Variants in CUL4B observed in about 807,000 individuals in gnomAD.
CUL4B encodes cullin 4B.
In CUL4B, 1 loss-of-function variant was observed where a neutral mutation model predicts 69.2. That is an observed-to-expected ratio of 0.01 (90% CI 0.01 to 0.07). The LOEUF is 0.07. CUL4B is among the 10% of genes least tolerant of loss of function. CUL4B has a pLI of 1.00. For missense variants in CUL4B, 328 were observed against 638.8 expected, an observed-to-expected ratio of 0.51 and a Z score of 5.24; for synonymous variants, 237 against 223.2, an observed-to-expected ratio of 1.06 and a Z score of -0.55.
intron 16 of CUL4B, among the ~76,000 whole-genome samples, chrX:120,535,533 T>C (rs984627592): frequency 6.5e-5 from 7 of 107,851 alleles, no homozygotes; most frequent in African/African-American, 2.4e-4. Flanking sequence ...TGAAACCCCG[T>C]CTCCACTAAA....
intron 2 of CUL4B, among the ~76,000 whole-genome samples, chrX:120,550,810 T>C (rs1924643212): frequency 8.9e-6 from 1 of 111,882 alleles, no homozygotes; most frequent in South Asian, 3.7e-4. Context: ...TCCTGTACTG[T>C]GATGGAGCAA....
chrX:120,525,299 C>T lies in CUL4B; in HGVS notation c.*1462G>A, dbSNP rs955822321. The T allele has an allele frequency of 1.3e-4, 14 of 111,503 alleles. No homozygotes were observed. Among genetic ancestry groups the T allele is most frequent in the South Asian group, 3.7e-4 (1 of 2,677 alleles). 9.2% of individuals were successfully genotyped at this position (111,503 alleles called of 1,213,427 possible). A position where few individuals can be genotyped will look rare whatever the true frequency, so the allele number is the denominator to read the frequency against. ...ATTAGGACATAGGTAATCTTCCTAA[C>T]GGCTCCAACAGGCAAGGAAATATGC... On this transcript the variant is annotated 3_prime_UTR_variant, in exon 20 of 20. Coordinates refer to ENST00000371322, the MANE Select transcript of CUL4B (RefSeq NM_001079872.2).
downstream of CUL4B, among the ~76,000 whole-genome samples, chrX:120,566,525 G>C (rs1418530338): frequency 2.9e-5 from 3 of 105,203 alleles, no homozygotes; most frequent in East Asian, 9.3e-4. Flanking sequence ...AGCCTCCCAA[G>C]TAGCTGGGAT....
chrX:120,526,879 A>C, intron 19 of CUL4B, 23 bp from the exon 20 acceptor site: 1 of 1,002,454 alleles, frequency 1.0e-6, no homozygotes, highest in Non-Finnish European at 1.4e-6. Context: ...GCAAATTTTC[A>C]ATGTAAAGTT....
At chrX:120,567,118 ATTTTT>A (rs72483160), downstream of CUL4B, among the ~76,000 whole-genome samples, 2 of 55,288 alleles carry the variant, frequency 3.6e-5, no homozygotes, top group Non-Finnish European at 3.2e-5. Flanking sequence ...GCCAATTTAG[ATTTTT>A]TTTTTTTTTT....
At chrX:120,546,775 GA>G (rs1161600824) in intron 3 of CUL4B, among the ~76,000 whole-genome samples, 159 bp from the exon 4 acceptor site, 45 of 104,672 alleles carry the variant, frequency 4.3e-4, no homozygotes, top group Admixed American at 2.1e-3. Context: ...ATTTGTAAAA[GA>G]AAAAAAAAAC....
chrX:120,562,555 T>C (rs755955291), upstream of CUL4B, among the ~76,000 whole-genome samples: 13 of 111,635 alleles, frequency 1.2e-4, no homozygotes, highest in Non-Finnish European at 2.4e-4. Flanking sequence ...TAATATGACA[T>C]ATATACAAAG....
At chrX:120,547,045 G>A (rs1297827254) in intron 3 of CUL4B, 91 bp downstream of exon 3, 2 of 580,485 alleles carry the variant, frequency 3.4e-6, no homozygotes, top group African/African-American at 4.5e-5. Flanking sequence ...ACAAAATACA[G>A]GCATTCTACT....
rs56016419 is a variant in CUL4B, at chrX:120,534,350, G to A, written c.2266+131C>T. ...AGCCTGGGTGACAGAGTGAGACCCTGTCTCATTAAAAAAAAAGAAAAAAAA... is the reference window on the plus strand; with the variant it reads ...AGCCTGGGTGACAGAGTGAGACCCTATCTCATTAAAAAAAAAGAAAAAAAA... On this transcript the variant is annotated intron_variant, in intron 17 of 19. Coordinates refer to ENST00000371322, the MANE Select transcript of CUL4B (RefSeq NM_001079872.2). 7.3e-3 allele frequency: 3,783 copies of A among 519,733 alleles called. 16 individuals carry two copies. The highest frequency in any genetic ancestry group is 1.0e-2 in the Middle Eastern group (30 of 3,012). 42.8% of individuals were successfully genotyped at this position (519,733 alleles called of 1,213,427 possible).
chrX:120,544,697 A>T, intron 5 of CUL4B, 54 bp from the exon 6 acceptor site: 1 of 1,052,472 alleles, frequency 9.5e-7, no homozygotes, highest in Non-Finnish European at 1.3e-6. Context: ...ACTTCTGAAG[A>T]GGTTTGCTTA....
At chrX:120,565,029 CAG>C (rs771658007), upstream of CUL4B, among the ~76,000 whole-genome samples, 1 of 112,464 alleles carries the variant, frequency 8.9e-6, no homozygotes, top group African/African-American at 3.2e-5. Context: ...CAAACAAAGA[CAG>C]GGAGCTAGCT....
chrX:120,537,323 T>C (rs144359681), intron 14 of CUL4B, among the ~76,000 whole-genome samples: 54 of 111,264 alleles, frequency 4.9e-4, no homozygotes, highest in Non-Finnish European at 3.6e-4. Flanking sequence ...TAGGATCTCT[T>C]CTCCATTCTT....
At chrX:120,559,185 C>A (rs1207041109) in intron 1 of CUL4B, among the ~76,000 whole-genome samples, 2 of 111,834 alleles carry the variant, frequency 1.8e-5, no homozygotes, top group Non-Finnish European at 3.8e-5. Flanking sequence ...TAAGTTCATT[C>A]ATTTACTTCT....
At position 120,524,402 on chromosome X, in the gene CUL4B, G is replaced by A. The variant is rs1316174050; in HGVS notation, c.*2359C>T. Among the ~76,000 whole-genome samples the A allele has an allele frequency of 2.7e-5, 3 of 111,341 alleles. No individual in the cohort carries two copies. The highest frequency in any genetic ancestry group is 9.8e-5 in the African/African-American group (3 of 30,704). ...GTTTAAGAATAATTATCCACCTTGA[G>A]GATTCCTGGGAATTTTCCTCACCCT... On this transcript the variant is annotated 3_prime_UTR_variant, in exon 20 of 20. Coordinates refer to ENST00000371322, the MANE Select transcript of CUL4B (RefSeq NM_001079872.2).
chrX:120,527,648 T>A (rs764531724), intron 19 of CUL4B, among the ~76,000 whole-genome samples: 1 of 111,703 alleles, frequency 9.0e-6, no homozygotes, highest in South Asian at 3.8e-4. Context: ...CTATGTTTCA[T>A]ACATACCTTA....
In CUL4B at chrX:120,544,331, G is replaced by A. The variant is rs1002054054; in HGVS notation, c.1084-128C>T. ...CAAGCTAGGATCCTTTTGTAGTTGA[G>A]AAGCATGATGATTGGGTTTTTATGC... On this transcript the variant is annotated intron_variant, in intron 6 of 19. Coordinates refer to ENST00000371322, the MANE Select transcript of CUL4B (RefSeq NM_001079872.2). The A allele has an allele frequency of 3.8e-6, 3 of 799,460 alleles. No homozygotes were observed. In the African/African-American group the frequency reaches 6.2e-5, roughly 16 times the overall value. 65.9% of individuals were successfully genotyped at this position (799,460 alleles called of 1,213,427 possible).
chrX:120,562,799 G>A (rs367822733), upstream of CUL4B, among the ~76,000 whole-genome samples: 33 of 111,760 alleles, frequency 3.0e-4, no homozygotes, highest in African/African-American at 9.4e-4. Context: ...ATGTCTGGCT[G>A]GGAGTAAGGA....
chrX:120,559,905 C>T, intron 1 of CUL4B, 178 bp downstream of exon 1: 1 of 1,137,185 alleles, frequency 8.8e-7, no homozygotes, highest in Non-Finnish European at 1.2e-6. Flanking sequence ...GCACAAGGAT[C>T]CTAACCACCC....
chrX:120,560,553 C>G lies in CUL4B; in HGVS notation c.86G>C (p.Ser29Thr), dbSNP rs758781480. The G allele has an allele frequency of 4.4e-5, 53 of 1,206,457 alleles. No individual in the cohort carries two copies. Among genetic ancestry groups the G allele is most frequent in the Non-Finnish European group, 5.1e-5 (46 of 893,765 alleles). Residue 29 changes from serine to threonine, a missense_variant, in exon 1 of 20, where the codon AGC (serine) becomes ACC (threonine). By Grantham distance (58) the Ser-to-Thr change is moderately conservative. Transcript: ENST00000371322. ...CTTGGCAGAGGTGGGCGGAGTGGTG[C>G]TGGTATTACCATCAGTGGCAGATCT... ...EVRSATDGNT[S>T]TTPPTSAKKR... is the part of the protein sequence containing the mutation.
Sources: allele counts gnomAD v4.1 joint callset (sites outside exome capture counted in the v4.1 genomes callset), GRCh38; gene constraint gnomAD v4.1.1; transcripts MANE v1.5; gene names NCBI Gene and HGNC (gene_info 2026-07-23, HGNC 2026-07-21).